Variants in ATG16L1 observed in about 807,000 individuals in gnomAD.
ATG16L1 encodes the protein autophagy related 16 like 1, also known as autophagy-related protein 16-1.
A neutral mutation model predicts 88.5 loss-of-function variants in ATG16L1; 37 were observed. The observed-to-expected ratio is 0.42, with a 90% CI of 0.32 to 0.55. The LOEUF is 0.55. ATG16L1 is among the 20% of genes least tolerant of loss of function. ATG16L1 has a pLI of 0.13. For synonymous variants in ATG16L1, 301 were observed against 281.0 expected, an observed-to-expected ratio of 1.07 and a Z score of -0.71; for missense variants, 554 against 752.8, an observed-to-expected ratio of 0.74 and a Z score of 3.09.
chr2:233,282,999 A>G (rs1398690351), intron 12 of ATG16L1: 9 of 446,342 alleles, frequency 2.0e-5, no homozygotes, highest in Non-Finnish European at 3.7e-5. Flanking sequence ...TACTCTTCAT[A>G]AGGACTAAAT....
At chr2:233,286,657 G>T (rs567213157) in intron 12 of ATG16L1, among the ~76,000 whole-genome samples, 3 of 118,356 alleles carry the variant, frequency 2.5e-5, no homozygotes, top group Non-Finnish European at 4.9e-5. Flanking sequence ...ACAGTGTCTC[G>T]CTCAGTCACC....
chr2:233,290,330 G>A lies in ATG16L1; in HGVS notation c.1407G>A (p.Lys469=). The A allele has an allele frequency of 6.2e-7, 1 of 1,614,182 alleles. No individual in the cohort carries two copies. Among genetic ancestry groups the A allele is most frequent in the Non-Finnish European group, 8.5e-7 (1 of 1,180,016 alleles). ...EQCVMSGHFD[K]KIRFWDIRSE... is the part of the protein sequence containing the mutation. ...GTGTAATGAGTGGACATTTTGACAA[G>A]AAAATTCGTTTCTGGGACATTCGGT... is the stretch of plus-strand genomic sequence containing the variant. The change falls in exon 14 of 18, where the codon AAG becomes AAA. Residue 469 remains lysine (K), a synonymous_variant. Coordinates refer to ENST00000392017, the MANE Select transcript of ATG16L1 (RefSeq NM_030803.7).
chr2:233,265,425 TTA>T, intron 5 of ATG16L1, among the ~76,000 whole-genome samples: 1 of 152,210 alleles, frequency 6.6e-6, no homozygotes, highest in Non-Finnish European at 1.5e-5. Flanking sequence ...TAATCCAACC[TTA>T]TATGAATATA....
chr2:233,262,782 A>G (rs1424008424), intron 2 of ATG16L1, among the ~76,000 whole-genome samples: 1 of 152,184 alleles, frequency 6.6e-6, no homozygotes, highest in East Asian at 1.9e-4. Flanking sequence ...GCTGTGTGGA[A>G]GCAGAGCCCT....
chr2:233,264,162 C>G, intron 4 of ATG16L1, 97 bp downstream of exon 4: 1 of 1,169,374 alleles, frequency 8.6e-7, no homozygotes, highest in Non-Finnish European at 1.3e-6. Context: ...CAGTGAGTGG[C>G]CACAGTGCAC....
chr2:233,252,035 G>A, intron 1 of ATG16L1, 93 bp downstream of exon 1: 1 of 1,138,988 alleles, frequency 8.8e-7, no homozygotes, highest in Non-Finnish European at 1.2e-6. Flanking sequence ...AGTCCCTGGC[G>A]CCGCCCGCAC....
intron 9 of ATG16L1, among the ~76,000 whole-genome samples, chr2:233,276,809 C>T (rs1698407775): frequency 6.6e-6 from 1 of 151,662 alleles, no homozygotes; most frequent in South Asian, 2.1e-4. Flanking sequence ...TCTTTCTTAT[C>T]CTGAACATAA....
chr2:233,283,845 TTCTTTTTTTGTTTTTTGAAGGCAGAG>T (rs1361901103), intron 12 of ATG16L1, among the ~76,000 whole-genome samples: 4 of 150,100 alleles, frequency 2.7e-5, no homozygotes, highest in Non-Finnish European at 5.9e-5. Flanking sequence ...CAAGATACAT[TTCTTTTTTTGTTTTTTGAAGGCAGAG>T]TCTTGCTCTG....
intron 14 of ATG16L1, among the ~76,000 whole-genome samples, chr2:233,291,827 G>A (rs577751102): frequency 6.6e-6 from 1 of 152,204 alleles, no homozygotes; most frequent in Non-Finnish European, 1.5e-5. Flanking sequence ...AATACGAATT[G>A]GGTAGTAGCC....
Position 233,251,848 on chromosome 2 carries a change from C to A in ATG16L1, c.21C>A (p.Ala7=), listed in dbSNP as rs899780138. 6.5e-7 allele frequency: 1 copy of A among 1,549,982 alleles called. No homozygotes were observed. Among genetic ancestry groups the A allele is most frequent in the Non-Finnish European group, 8.7e-7 (1 of 1,146,944 alleles). Residue 7 remains alanine, a synonymous_variant, in exon 1 of 18, where the codon GCC becomes GCA. Transcript: ENST00000392017. MSSGLR[A]ADFPRWKRHI... The stretch of plus-strand genomic sequence containing the variant: ...GTGACATGTCGTCGGGCCTCCGCGC[C>A]GCTGACTTCCCCCGCTGGAAGCGCC...
intron 14 of ATG16L1, among the ~76,000 whole-genome samples, chr2:233,290,688 TA>T (rs1699400171): frequency 6.6e-6 from 1 of 152,176 alleles, no homozygotes; most frequent in Non-Finnish European, 1.5e-5. Context: ...TGGAGGCAGC[TA>T]CGTTTGTTCC....
At chr2:233,255,700 A>G (rs1211605928) in intron 1 of ATG16L1, among the ~76,000 whole-genome samples, 1 of 152,202 alleles carries the variant, frequency 6.6e-6, no homozygotes, top group Non-Finnish European at 1.5e-5. Context: ...TACAGAGTGT[A>G]TTCTCTGTAC....
At position 233,277,635 on chromosome 2, in the gene ATG16L1, G is replaced by T; in HGVS notation, c.1022G>T (p.Gly341Val). ...GGTTCCCGGTTACTGGCCACTGGAG[G>T]CATGGACCGCAGGGTTAAGCTTTGG... ...SPGSRLLATG[G>V]MDRRVKLWEV... The change falls in exon 10 of 18, where the codon GGC (glycine) becomes GTC (valine). Residue 341 changes from glycine to valine, a missense_variant. Around this residue, in one of 5 missense-constraint regions of ATG16L1, gnomAD observed 370 missense variants for 509.7 expected, o/e 0.73. Coordinates refer to ENST00000392017, the MANE Select transcript of ATG16L1 (RefSeq NM_030803.7). The T allele has an allele frequency of 6.2e-7, 1 of 1,614,078 alleles. No individual in the cohort carries two copies. Among genetic ancestry groups the T allele is most frequent in the Non-Finnish European group, 8.5e-7 (1 of 1,179,954 alleles).
Position 233,251,740 on chromosome 2 carries a change from C to T in ATG16L1, c.-88C>T. The T allele has an allele frequency of 8.0e-7, 1 of 1,251,478 alleles. No individual in the cohort carries two copies. Among genetic ancestry groups the T allele is most frequent in the Non-Finnish European group, 1.1e-6 (1 of 883,414 alleles). The allele number at this position is 1,251,478 out of a possible 1,614,324, so 77.5% of individuals were successfully genotyped here. A position where few individuals can be genotyped will look rare whatever the true frequency, so the allele number is the denominator to read the frequency against. On this transcript the variant is annotated 5_prime_UTR_variant, in exon 1 of 18. Coordinates refer to ENST00000392017, the MANE Select transcript of ATG16L1 (RefSeq NM_030803.7). ...TGAGCTCCGGGATTGCCGGCATTCCCGCTTCTGCTGGTTGCTTCATGCTGC... is the reference window on the plus strand; with the variant it reads ...TGAGCTCCGGGATTGCCGGCATTCCTGCTTCTGCTGGTTGCTTCATGCTGC...
At chr2:233,273,599 C>A in intron 7 of ATG16L1, 122 bp from the exon 8 acceptor site, 1 of 914,650 alleles carries the variant, frequency 1.1e-6, no homozygotes, top group Non-Finnish European at 1.7e-6. Flanking sequence ...TTTCTCTTGG[C>A]TGGGGTTTGG....
intron 9 of ATG16L1, 113 bp from the exon 10 acceptor site, chr2:233,277,455 A>G: frequency 3.3e-6 from 3 of 903,990 alleles, no homozygotes; most frequent in Non-Finnish European, 5.3e-6. Context: ...GATTGGCTCC[A>G]CCTGTCTTTA....
chr2:233,253,340 G>GTTTTTTTTTTTT (rs56151049), intron 1 of ATG16L1, among the ~76,000 whole-genome samples: 117 of 108,616 alleles, frequency 1.1e-3, no homozygotes, highest in African/African-American at 2.4e-3. Flanking sequence ...GGGTTTTTTT[G>GTTTTTTTTTTTT]TTTTTTTTTT....
intron 12 of ATG16L1, among the ~76,000 whole-genome samples, chr2:233,287,742 G>A (rs930520907): frequency 2.0e-5 from 3 of 152,148 alleles, no homozygotes; most frequent in African/African-American, 4.8e-5. Context: ...GCTGGATGTG[G>A]TGGCACACGC....
intron 4 of ATG16L1, 184 bp downstream of exon 4, chr2:233,264,249 A>G (rs985115930): frequency 1.7e-6 from 1 of 579,878 alleles, no homozygotes; most frequent in African/African-American, 1.9e-5. Context: ...AAAAGCAAGG[A>G]CAGTGCCCAC....
Sources: allele counts gnomAD v4.1 joint callset (sites outside exome capture counted in the v4.1 genomes callset), GRCh38; gene constraint gnomAD v4.1.1; regional missense constraint gnomAD v4.1.1; transcripts MANE v1.5; gene names NCBI Gene and HGNC (gene_info 2026-07-23, HGNC 2026-07-21).